LRP1B: variants seen among roughly 807,000 people sequenced by gnomAD.
The protein encoded by LRP1B is LDL receptor related protein 1B.
In LRP1B, 217 loss-of-function variants were observed where a neutral mutation model predicts 556.6. That is an observed-to-expected ratio of 0.39 (90% confidence interval 0.35 to 0.44). LRP1B has a LOEUF of 0.44. Ranked by LOEUF, LRP1B falls within the 20% of genes least tolerant of loss-of-function variation. LRP1B has a pLI of 1.00. For synonymous variants in LRP1B, 2,047 were observed against 1,865.8 expected (o/e 1.10, Z -2.50); for missense variants, 5,053 against 5,620.8 (o/e 0.90, Z 3.23).
At chr2:140,267,755 G>C (rs981109630) in intron 86 of LRP1B, among the ~76,000 whole-genome samples, 1 of 151,926 alleles carries the variant, frequency 6.6e-6, no homozygotes, top group Non-Finnish European at 1.5e-5. Flanking sequence ...AGGCATAGAA[G>C]ACCAAGGTAC....
At chr2:140,931,512 T>C (rs1695048896) in intron 20 of LRP1B, among the ~76,000 whole-genome samples, 3 of 152,082 alleles carry the variant, frequency 2.0e-5, no homozygotes, top group Admixed American at 2.0e-4. Flanking sequence ...CAAGACTTTA[T>C]ATAGGTTTAC....
intron 7 of LRP1B, among the ~76,000 whole-genome samples, chr2:141,130,111 A>T (rs1478726399): frequency 6.6e-6 from 1 of 152,106 alleles, no homozygotes; most frequent in East Asian, 1.9e-4. Context: ...AAAACAAGGT[A>T]GAGTGGCCAT....
chr2:140,514,577 T>A (rs1689805681), intron 51 of LRP1B, 76 bp downstream of exon 51: 1 of 1,357,136 alleles, frequency 7.4e-7, no homozygotes, highest in Non-Finnish European at 9.8e-7. Context: ...AATTAGCAAA[T>A]TTTGTGTATG....
chr2:141,172,331 A>T (rs1009323634), intron 7 of LRP1B, among the ~76,000 whole-genome samples: 1 of 152,088 alleles, frequency 6.6e-6, no homozygotes, highest in Non-Finnish European at 1.5e-5. Context: ...AATCCTTATG[A>T]CAAAGACATA....
At chr2:141,407,005 G>A (rs1258744074) in intron 3 of LRP1B, among the ~76,000 whole-genome samples, 1 of 151,984 alleles carries the variant, frequency 6.6e-6, no homozygotes, top group East Asian at 1.9e-4. Context: ...TTTTCAAAAA[G>A]GATCACATCT....
intron 67 of LRP1B, 60 bp downstream of exon 67, chr2:140,385,833 C>G: frequency 1.8e-6 from 2 of 1,124,652 alleles, no homozygotes; most frequent in Non-Finnish European, 2.7e-6. Flanking sequence ...CTAAAAATTG[C>G]CATCCTGCTT....
intron 2 of LRP1B, among the ~76,000 whole-genome samples, chr2:141,552,028 C>T (rs767026879): frequency 6.6e-6 from 1 of 151,964 alleles, no homozygotes; most frequent in Non-Finnish European, 1.5e-5. Context: ...AGAATAATCA[C>T]AGTGTGATAT....
At chr2:141,826,960 G>A (rs1696948849) in intron 1 of LRP1B, among the ~76,000 whole-genome samples, 1 of 151,998 alleles carries the variant, frequency 6.6e-6, no homozygotes, top group African/African-American at 2.4e-5. Context: ...AAACATTTTC[G>A]TCTTGCTTTG....
intron 43 of LRP1B, among the ~76,000 whole-genome samples, chr2:140,583,181 T>C (rs201947967): frequency 6.6e-5 from 8 of 120,462 alleles, no homozygotes; most frequent in African/African-American, 1.0e-4. Flanking sequence ...CTTTTTTTTT[T>C]TTTTTTTTTT....
At chr2:140,988,767 A>G (rs1329026682) in intron 17 of LRP1B, among the ~76,000 whole-genome samples, 2 of 152,110 alleles carry the variant, frequency 1.3e-5, no homozygotes, top group African/African-American at 2.4e-5. Context: ...GGTGATTAAT[A>G]TGTTTTGATG....
intron 21 of LRP1B, among the ~76,000 whole-genome samples, chr2:140,910,644 A>G (rs905645692): frequency 6.6e-6 from 1 of 151,898 alleles, no homozygotes; most frequent in African/African-American, 2.4e-5. Flanking sequence ...ATAACAATCA[A>G]TCCAAGTGCA....
At chr2:141,933,413 T>C (rs1171372126) in intron 1 of LRP1B, among the ~76,000 whole-genome samples, 2 of 152,132 alleles carry the variant, frequency 1.3e-5, no homozygotes, top group African/African-American at 4.8e-5. Context: ...TAGATGTTGC[T>C]GAATAAGGTG....
rs2105186572 is a variant in LRP1B, at chr2:140,883,818, C to T, written c.4168G>A (p.Gly1390Arg). Residue 1390 changes from glycine to arginine, a missense_variant and splice_region_variant, in exon 25 of 91, where the codon GGA becomes AGA. Physicochemically the swap from Gly to Arg is moderately radical, Grantham distance 125 (BLOSUM62 -2). This residue lies in a region of LRP1B where 3,619 missense variants were observed against 3,931.9 expected (regional missense o/e 0.92). Coordinates refer to ENST00000389484, the MANE Select transcript of LRP1B (RefSeq NM_018557.3). ...TCTATAAAAGGCAAACTTCTTTACC[C>T]ATATCTTGGGTCCAAAGCAATGGCC... ...PRAIALDPRY[G>R]ILFWTDWDAN... 1 of 1,612,460 alleles carries T rather than the reference C, an allele frequency of 6.2e-7. No homozygotes were observed. Among genetic ancestry groups the T allele is most frequent in the Non-Finnish European group, 8.5e-7 (1 of 1,179,308 alleles).
At chr2:140,889,032 C>A (rs1038839266) in intron 23 of LRP1B, among the ~76,000 whole-genome samples, 3 of 149,936 alleles carry the variant, frequency 2.0e-5, no homozygotes, top group East Asian at 3.9e-4. Flanking sequence ...TAAAATTATA[C>A]CTTCCGATCT....
At chr2:141,737,373 A>C (rs1898421) in intron 2 of LRP1B, among the ~76,000 whole-genome samples, 39,775 of 152,004 alleles carry the variant, frequency 0.26, 6,617 homozygotes, top group African/African-American at 0.48. Context: ...ACAAACAACA[A>C]AAAAGCGGAA....
At chr2:141,599,068 C>G (rs1289409225) in intron 2 of LRP1B, among the ~76,000 whole-genome samples, 20 of 99,248 alleles carry the variant, frequency 2.0e-4, no homozygotes, top group Admixed American at 6.9e-4. Context: ...CCCCCCCCCC[C>G]CCCCCCGCTT....
At chr2:140,251,635 T>C (rs945617929) in intron 86 of LRP1B, among the ~76,000 whole-genome samples, 1 of 151,892 alleles carries the variant, frequency 6.6e-6, no homozygotes, top group African/African-American at 2.4e-5. Context: ...TTAACCATGA[T>C]GATGGAGGCA....
rs1293903367 is a variant in LRP1B at position 141,990,628 on chromosome 2, A to T, written c.82+140020T>A. Among the ~76,000 whole-genome samples the T allele has an allele frequency of 2.0e-5, 3 of 152,030 alleles. No homozygotes were observed. In the East Asian group the frequency reaches 5.8e-4, roughly 29 times the overall value. ...AGGTAGAGCTAGGCTATTCCAAACAATGTGGCTGGAGTTACATGTTTATGG... is the reference window on the plus strand; with the variant it reads ...AGGTAGAGCTAGGCTATTCCAAACATTGTGGCTGGAGTTACATGTTTATGG... On this transcript the variant is annotated intron_variant, in intron 1 of 90. Coordinates refer to ENST00000389484, the MANE Select transcript of LRP1B (RefSeq NM_018557.3).
At chr2:140,583,829 A>T (rs138963598) in intron 43 of LRP1B, among the ~76,000 whole-genome samples, 1 of 152,192 alleles carries the variant, frequency 6.6e-6, no homozygotes, top group Admixed American at 6.5e-5. Flanking sequence ...TAACATTTTA[A>T]ATCAAAGGAC....
Sources: allele counts gnomAD v4.1 joint callset (sites outside exome capture counted in the v4.1 genomes callset), GRCh38; gene constraint gnomAD v4.1.1; regional missense constraint gnomAD v4.1.1; transcripts MANE v1.5; gene names NCBI Gene and HGNC (gene_info 2026-07-23, HGNC 2026-07-21).